The following TENM2 variants were observed in gnomAD, a reference collection of about 807,000 sequenced individuals.
TENM2 encodes teneurin-2.
In TENM2, 52 loss-of-function variants were observed where a neutral mutation model predicts 245.2. That is an observed-to-expected ratio of 0.21 (90% confidence interval 0.17 to 0.27). The LOEUF (loss-of-function observed/expected upper bound fraction) is 0.27, where lower values mean the gene tolerates loss of function less well. TENM2 is among the 10% of genes least tolerant of loss of function. The probability of loss-of-function intolerance (pLI) is 1.00; values close to 1 mark genes in which losing one functional copy is unlikely to be tolerated. For synonymous variants in TENM2, 1,363 were observed against 1,438.9 expected, an observed-to-expected ratio of 0.95 and a Z score of 1.19; for missense variants, 3,046 against 3,666.8, an observed-to-expected ratio of 0.83 and a Z score of 4.37.
chr5:167,391,220 G>T (rs1234566130), intron 2 of TENM2, among the ~76,000 whole-genome samples: 2 of 152,030 alleles, frequency 1.3e-5, no homozygotes, highest in Non-Finnish European at 2.9e-5. Context: ...GAATTTAGGG[G>T]AAATGGTGTA....
chr5:167,589,796 G>A (rs986468422), intron 2 of TENM2, among the ~76,000 whole-genome samples: 1 of 151,748 alleles, frequency 6.6e-6, no homozygotes, highest in African/African-American at 2.4e-5. Flanking sequence ...TTACATTAAT[G>A]TTCTATCAAT....
At chr5:168,080,549 C>A (rs928002034) in intron 7 of TENM2, among the ~76,000 whole-genome samples, 4 of 152,150 alleles carry the variant, frequency 2.6e-5, no homozygotes, top group Admixed American at 1.3e-4. Context: ...ATTTTTCCTG[C>A]TTTCTCTTGT....
intron 2 of TENM2, among the ~76,000 whole-genome samples, chr5:167,622,464 G>T (rs910799190): frequency 6.6e-6 from 1 of 152,058 alleles, no homozygotes; most frequent in Non-Finnish European, 1.5e-5. Context: ...TACTGGCAAA[G>T]GTATAGATTC....
intron 27 of TENM2, among the ~76,000 whole-genome samples, chr5:168,254,119 C>T (rs1206639388): frequency 6.6e-6 from 1 of 152,242 alleles, no homozygotes; most frequent in African/African-American, 2.4e-5. Context: ...AGGTGCTGCA[C>T]TGACAGCGTG....
the TENM2 span, among the ~76,000 whole-genome samples, chr5:167,013,476 C>T: frequency 1.3e-5 from 2 of 151,278 alleles, no homozygotes; most frequent in Admixed American, 1.3e-4. Context: ...ATTTTTTTTT[C>T]CCGAAAAGCT....
At chr5:167,845,535 A>T (rs1769968628) in intron 2 of TENM2, among the ~76,000 whole-genome samples, 2 of 152,178 alleles carry the variant, frequency 1.3e-5, no homozygotes, top group Admixed American at 1.3e-4. Context: ...CCCCTTTAAC[A>T]TTAACTTGTT....
intron 2 of TENM2, among the ~76,000 whole-genome samples, chr5:167,489,800 A>G (rs1475200061): frequency 1.3e-5 from 2 of 152,164 alleles, no homozygotes; most frequent in South Asian, 4.1e-4. Flanking sequence ...TGTTATGTTG[A>G]CATGATTTTT....
chr5:168,153,351 C>T (rs1366943204), intron 12 of TENM2, among the ~76,000 whole-genome samples: 1 of 152,168 alleles, frequency 6.6e-6, no homozygotes, highest in Non-Finnish European at 1.5e-5. Context: ...AGACCCGTTG[C>T]TTTAAACAAA....
At chr5:167,387,253 G>GTTC (rs1259234530) in intron 2 of TENM2, among the ~76,000 whole-genome samples, 5 of 151,062 alleles carry the variant, frequency 3.3e-5, no homozygotes, top group Admixed American at 3.3e-4. Flanking sequence ...TAAGTGTTTT[G>GTTC]TTGTTGTTGT....
intron 10 of TENM2, among the ~76,000 whole-genome samples, chr5:168,119,340 AGG>A (rs2152337091): frequency 6.6e-6 from 1 of 152,344 alleles, no homozygotes; most frequent in South Asian, 2.1e-4. Context: ...GACATAGAAG[AGG>A]GGATACAGGA....
the TENM2 span, among the ~76,000 whole-genome samples, chr5:167,194,607 A>T: frequency 2.6e-5 from 4 of 152,114 alleles, no homozygotes; most frequent in African/African-American, 9.6e-5. Context: ...TCAGGGATTA[A>T]TGACGGTGAG....
chr5:167,555,654 T>G (rs905179440), intron 2 of TENM2, among the ~76,000 whole-genome samples: 3 of 152,136 alleles, frequency 2.0e-5, no homozygotes, highest in Non-Finnish European at 4.4e-5. Flanking sequence ...GTTGGCATGT[T>G]CTTTCCCTAA....
chr5:167,470,878 C>T (rs1218665032), intron 2 of TENM2, among the ~76,000 whole-genome samples: 1 of 152,080 alleles, frequency 6.6e-6, no homozygotes, highest in Non-Finnish European at 1.5e-5. Context: ...GGAGGTCTGT[C>T]ATCTATATAG....
intron 2 of TENM2, among the ~76,000 whole-genome samples, chr5:167,558,580 G>A (rs1036443734): frequency 1.1e-4 from 17 of 152,098 alleles, no homozygotes; most frequent in South Asian, 4.1e-4. Flanking sequence ...TATGAAATGC[G>A]CATGCATGGG....
the TENM2 span, among the ~76,000 whole-genome samples, chr5:167,228,992 G>A: frequency 1.1e-4 from 16 of 152,166 alleles, no homozygotes; most frequent in East Asian, 9.6e-4. Context: ...GAGCCACCGC[G>A]TCCGGCCCCA....
At chr5:167,318,394 A>AT (rs1261663855) in intron 1 of TENM2, among the ~76,000 whole-genome samples, 1 of 152,066 alleles carries the variant, frequency 6.6e-6, no homozygotes, top group African/African-American at 2.4e-5. Context: ...CACTTAATGC[A>AT]TGTTATGGAA....
intron 12 of TENM2, among the ~76,000 whole-genome samples, chr5:168,127,623 G>A (rs940592480): frequency 6.6e-5 from 10 of 152,144 alleles, no homozygotes; most frequent in Non-Finnish European, 7.3e-5. Context: ...GCACAGTTGT[G>A]GTTTAGGGTA....
chr5:168,223,571 G>A (rs1185089837), intron 23 of TENM2, among the ~76,000 whole-genome samples: 4 of 151,136 alleles, frequency 2.6e-5, no homozygotes, highest in East Asian at 2.0e-4. Context: ...AGGTTCAAGC[G>A]ATTCTCCTGC....
the TENM2 span, among the ~76,000 whole-genome samples, chr5:167,169,852 G>C: frequency 2.0e-5 from 3 of 152,186 alleles, no homozygotes; most frequent in African/African-American, 7.2e-5. Context: ...TTGTAGGAAT[G>C]AGCTTTCTGT....
Sources: allele counts gnomAD v4.1 joint callset (sites outside exome capture counted in the v4.1 genomes callset), GRCh38; gene constraint gnomAD v4.1.1; transcripts MANE v1.5; gene names NCBI Gene and HGNC (gene_info 2026-07-23, HGNC 2026-07-21).